The following HPSE2 variants were observed in gnomAD, a reference collection of about 807,000 sequenced individuals.
HPSE2 encodes the protein inactive heparanase-2.
Under a neutral mutation model 60.5 loss-of-function variants are expected in HPSE2, and 38 were observed. That is an observed-to-expected ratio of 0.63 (90% CI 0.48 to 0.82). HPSE2 has a LOEUF of 0.82. Among genes scored for constraint, HPSE2 ranks in the 40% least tolerant of loss-of-function variants. HPSE2 has a pLI of 0.00. For synonymous variants in HPSE2, 295 were observed against 293.2 expected, an observed-to-expected ratio of 1.01 and a Z score of -0.06; for missense variants, 713 against 740.4, an observed-to-expected ratio of 0.96 and a Z score of 0.43.
chr10:98,529,941 A>G (rs149756479), intron 9 of HPSE2, among the ~76,000 whole-genome samples: 109 of 152,318 alleles, frequency 7.2e-4, no homozygotes, highest in African/African-American at 2.5e-3. Flanking sequence ...CAGCCATGGT[A>G]TTGAAAAAGG....
chr10:98,978,405 G>T (rs1319690009), intron 3 of HPSE2, among the ~76,000 whole-genome samples: 3 of 152,060 alleles, frequency 2.0e-5, no homozygotes, highest in African/African-American at 7.2e-5. Context: ...TATCAATTTA[G>T]AATGAATCTT....
chr10:99,084,200 G>A (rs1233893870), intron 3 of HPSE2, among the ~76,000 whole-genome samples: 2 of 151,968 alleles, frequency 1.3e-5, no homozygotes, highest in East Asian at 1.9e-4. Context: ...GCAGAGTAAC[G>A]CAGAACGTCA....
intron 3 of HPSE2, among the ~76,000 whole-genome samples, chr10:98,751,264 T>C (rs1307439922): frequency 2.6e-5 from 4 of 152,176 alleles, no homozygotes; most frequent in African/African-American, 9.7e-5. Flanking sequence ...ACTTTTCAAA[T>C]TGATGGCCCC....
rs577475896 is a variant in HPSE2, at chr10:98,496,873, G to A, written c.1321-6677C>T. Among the ~76,000 whole-genome samples, 9 of 151,118 alleles carry A rather than the reference G, an allele frequency of 6.0e-5. 1 individual carries two copies. The highest frequency in any genetic ancestry group is 2.2e-4 in the African/African-American group (9 of 41,198). The stretch of plus-strand genomic sequence containing the variant: ...TAGTTTGACTTTTATCACTTTTTAT[G>A]GTTTTTTGACATGGAGAATTAAAAA... On this transcript the variant is annotated intron_variant, in intron 9 of 11. Coordinates refer to ENST00000370552, the MANE Select transcript of HPSE2 (RefSeq NM_021828.5).
intron 3 of HPSE2, among the ~76,000 whole-genome samples, chr10:98,797,081 C>T (rs1577672): frequency 0.12 from 17,628 of 152,120 alleles, 2,601 homozygotes; most frequent in African/African-American, 0.34. Context: ...TGCCCAGACA[C>T]TGAAGAACAT....
At chr10:99,028,215 T>G (rs1298487121) in intron 3 of HPSE2, among the ~76,000 whole-genome samples, 1 of 152,210 alleles carries the variant, frequency 6.6e-6, no homozygotes. Flanking sequence ...TATATTTGTT[T>G]GCAGAGGACA....
At chr10:98,746,366 AG>A (rs1399164683) in intron 3 of HPSE2, among the ~76,000 whole-genome samples, 2 of 152,060 alleles carry the variant, frequency 1.3e-5, no homozygotes, top group Non-Finnish European at 2.9e-5. Flanking sequence ...ATTGTATCAT[AG>A]GCTATAATTT....
At chr10:99,028,146 G>C (rs1057133061) in intron 3 of HPSE2, among the ~76,000 whole-genome samples, 1 of 152,082 alleles carries the variant, frequency 6.6e-6, no homozygotes, top group Non-Finnish European at 1.5e-5. Flanking sequence ...GGAAGTCCTA[G>C]CTAGAGCAAC....
At chr10:99,135,360 A>G (rs1845605583) in intron 3 of HPSE2, among the ~76,000 whole-genome samples, 1 of 152,230 alleles carries the variant, frequency 6.6e-6, no homozygotes, top group Non-Finnish European at 1.5e-5. Flanking sequence ...AAGAAGACCT[A>G]ATAGACATCT....
chr10:99,238,183 T>C (rs1849902524), upstream of HPSE2, among the ~76,000 whole-genome samples: 1 of 152,216 alleles, frequency 6.6e-6, no homozygotes, highest in African/African-American at 2.4e-5. Context: ...AAAATACCCT[T>C]GGCTTACAAG....
chr10:98,712,186 A>G (rs1396736581), intron 5 of HPSE2, among the ~76,000 whole-genome samples: 1 of 152,022 alleles, frequency 6.6e-6, no homozygotes, highest in Non-Finnish European at 1.5e-5. Context: ...TCCATCTCCA[A>G]TGTTCGACAG....
chr10:99,223,826 G>C (rs1849388469), intron 2 of HPSE2, among the ~76,000 whole-genome samples: 1 of 152,128 alleles, frequency 6.6e-6, no homozygotes, highest in Non-Finnish European at 1.5e-5. Flanking sequence ...TAGAGAAAGA[G>C]GGAAATTAAT....
At chr10:98,654,841 G>A (rs556918215) in intron 6 of HPSE2, among the ~76,000 whole-genome samples, 5 of 152,158 alleles carry the variant, frequency 3.3e-5, no homozygotes, top group Non-Finnish European at 7.4e-5. Context: ...TTGGCGTGAG[G>A]TTTTGGGCGA....
intron 3 of HPSE2, among the ~76,000 whole-genome samples, chr10:98,898,421 C>T (rs1024829388): frequency 5.9e-5 from 9 of 152,062 alleles, no homozygotes; most frequent in Admixed American, 1.3e-4. Flanking sequence ...TATCAAGCCA[C>T]AAAGACATGG....
intron 1 of HPSE2, among the ~76,000 whole-genome samples, chr10:99,235,101 TACACAC>T (rs10630273): frequency 1.2e-4 from 17 of 147,598 alleles, no homozygotes; most frequent in South Asian, 4.3e-4. Context: ...CTGTCTCACA[TACACAC>T]ACACACACAC....
chr10:99,175,742 A>G (rs1359158109), intron 2 of HPSE2, among the ~76,000 whole-genome samples: 1 of 152,202 alleles, frequency 6.6e-6, no homozygotes, highest in Non-Finnish European at 1.5e-5. Flanking sequence ...ATAGAGGAGC[A>G]GATCTCCCAG....
intron 3 of HPSE2, among the ~76,000 whole-genome samples, chr10:99,005,821 C>G (rs1025278767): frequency 6.6e-6 from 1 of 152,138 alleles, no homozygotes; most frequent in Non-Finnish European, 1.5e-5. Flanking sequence ...AGAGCCCTTC[C>G]TTTTCAGTCC....
chr10:98,817,908 TCTAA>T (rs1158416191), intron 3 of HPSE2, among the ~76,000 whole-genome samples: 3 of 152,188 alleles, frequency 2.0e-5, no homozygotes, highest in Non-Finnish European at 2.9e-5. Context: ...ATCTGATTTC[TCTAA>T]CTTTTATCCA....
chr10:98,853,028 A>G (rs1952220890), intron 3 of HPSE2, among the ~76,000 whole-genome samples: 1 of 152,242 alleles, frequency 6.6e-6, no homozygotes, highest in Non-Finnish European at 1.5e-5. Flanking sequence ...TACAAAACAA[A>G]AGTTTTAAAA....
Sources: gnomAD v4.1 joint callset for allele counts (sites outside exome capture counted in the v4.1 genomes callset) on GRCh38, gnomAD v4.1.1 for gene constraint, MANE v1.5 for transcripts, NCBI Gene and HGNC (gene_info 2026-07-23, HGNC 2026-07-21) for gene names.